The following DOCK7 variants were observed in gnomAD, a reference collection of about 807,000 sequenced individuals.
DOCK7 encodes the protein dedicator of cytokinesis protein 7.
In DOCK7, 138 loss-of-function variants were observed where a neutral mutation model predicts 271.0. The ratio of observed to expected loss-of-function variants is 0.51; its 90% confidence interval spans 0.44 to 0.59. The LOEUF (loss-of-function observed/expected upper bound fraction) is 0.59, where lower values mean the gene tolerates loss of function less well. Ranked by LOEUF, DOCK7 falls within the 20% of genes least tolerant of loss-of-function variation. The pLI, the probability that DOCK7 is intolerant of heterozygous loss-of-function variation, is 0.00. For missense variants in DOCK7, 2,066 were observed against 2,592.4 expected (o/e 0.80, Z 4.41); for synonymous variants, 823 against 876.1 (o/e 0.94, Z 1.07).
intron 43 of DOCK7, 27 bp from the exon 44 acceptor site, chr1:62,477,852 G>C: frequency 6.4e-7 from 1 of 1,557,424 alleles, no homozygotes; most frequent in Non-Finnish European, 8.7e-7. Flanking sequence ...TAGGAAAATG[G>C]AGAAACTTTA....
chr1:62,646,649 C>A (rs1168085), intron 7 of DOCK7, among the ~76,000 whole-genome samples: 2 of 151,934 alleles, frequency 1.3e-5, no homozygotes, highest in Non-Finnish European at 2.9e-5. Context: ...CATGAGAAAC[C>A]AACCCACTGG....
chr1:62,623,555 T>C (rs180809704), intron 12 of DOCK7, among the ~76,000 whole-genome samples: 91 of 152,306 alleles, frequency 6.0e-4, no homozygotes, highest in African/African-American at 2.0e-3. Flanking sequence ...TACCAATTTA[T>C]TGATAAACAG....
At chr1:62,683,421 A>T (rs1017490159) in intron 1 of DOCK7, among the ~76,000 whole-genome samples, 1 of 152,240 alleles carries the variant, frequency 6.6e-6, no homozygotes, top group South Asian at 2.1e-4. Context: ...GAGGTGTTAA[A>T]TAAGTCGATA....
intron 11 of DOCK7, chr1:62,628,916 T>C (rs2149614107): frequency 1.3e-5 from 2 of 152,242 alleles, no homozygotes; most frequent in South Asian, 4.1e-4. Flanking sequence ...CATTAAAAAA[T>C]GAGCAAAGGT....
In DOCK7 at chr1:62,656,910, G is replaced by C. The variant is rs989811606; in HGVS notation, c.145-2751C>G. On this transcript the variant is annotated intron_variant, in intron 2 of 49. Transcript: ENST00000635253. ...TGCACAAAGGCCAAGTGGGGAGCTA[G>C]ATTTCTTCCCTCACAAAGCTGTAAC... Among the ~76,000 whole-genome samples the C allele has an allele frequency of 2.6e-5, 4 of 152,282 alleles. No individual in the cohort carries two copies. In the South Asian group the frequency reaches 8.3e-4, roughly 32 times the overall value.
At chr1:62,487,790 T>C (rs1014726854) in intron 42 of DOCK7, 2 of 179,716 alleles carry the variant, frequency 1.1e-5, no homozygotes, top group African/African-American at 2.4e-5. Flanking sequence ...TGGCTAAAAG[T>C]TTCTCAGAAA....
chr1:62,671,572 A>G (rs965182707), intron 1 of DOCK7, among the ~76,000 whole-genome samples: 1 of 152,188 alleles, frequency 6.6e-6, no homozygotes, highest in African/African-American at 2.4e-5. Flanking sequence ...TACTTTCAAA[A>G]CACCTTTTAG....
chr1:62,641,425 G>GT, intron 7 of DOCK7: 1 of 402,470 alleles, frequency 2.5e-6, no homozygotes, highest in South Asian at 1.8e-5. Context: ...TCTTGAGGTG[G>GT]TCCAAAGCAG....
chr1:62,468,602 C>T (rs1368772863), intron 48 of DOCK7, among the ~76,000 whole-genome samples: 4 of 152,002 alleles, frequency 2.6e-5, no homozygotes, highest in East Asian at 1.9e-4. Context: ...AAATCCAAAT[C>T]GGTAAAGATG....
At chr1:62,494,568 T>G (rs530310977) in intron 39 of DOCK7, 101 bp from the exon 40 acceptor site, 2 of 1,041,778 alleles carry the variant, frequency 1.9e-6, no homozygotes, top group South Asian at 3.7e-5. Context: ...TTTTTGATAC[T>G]GTGCACAACC....
chr1:62,651,303 G>T (rs1377295711), intron 4 of DOCK7, among the ~76,000 whole-genome samples: 8 of 124,772 alleles, frequency 6.4e-5, no homozygotes, highest in African/African-American at 1.8e-4. Context: ...TGTGGGGTGG[G>T]GGGAGGGGGA....
intron 16 of DOCK7, among the ~76,000 whole-genome samples, chr1:62,582,549 CAAAAAAAAAAAAAAAA>C (rs34110232): frequency 5.9e-5 from 1 of 16,862 alleles, no homozygotes; most frequent in Non-Finnish European, 1.3e-4. Flanking sequence ...GACTCCGTCT[CAAAAAAAAAAAAAAAA>C]AAAAAAAAAA....
chr1:62,518,961 A>G (rs1405897677), intron 31 of DOCK7, among the ~76,000 whole-genome samples: 1 of 151,920 alleles, frequency 6.6e-6, no homozygotes, highest in Non-Finnish European at 1.5e-5. Context: ...AGAAGTATCT[A>G]AAACATAATA....
intron 29 of DOCK7, among the ~76,000 whole-genome samples, chr1:62,533,363 T>A (rs1645237702): frequency 6.6e-6 from 1 of 152,144 alleles, no homozygotes; most frequent in South Asian, 2.1e-4. Flanking sequence ...GCTATACCAG[T>A]TATTTTAAAA....
At position 62,481,008 on chromosome 1, in the gene DOCK7, C is replaced by CAAA. The variant is rs35993847; in HGVS notation, c.5509-3186_5509-3184dup. On this transcript the variant is annotated intron_variant, in intron 43 of 49. Coordinates refer to ENST00000635253, the MANE Select transcript of DOCK7 (RefSeq NM_001367561.1). ...TGGGCGACAGAGCGAGACTCCGTCT[C>CAAA]AAAAAAAAAAAAAAAAAAAAATCTG... 5.1e-3 allele frequency among the ~76,000 whole-genome samples: 483 copies of CAAA among 94,500 alleles called. 57 individuals are homozygous for CAAA. Among genetic ancestry groups the CAAA allele is most frequent in the Middle Eastern group, 0.015 (2 of 134 alleles). The allele number at this position is 94,500 out of a possible 152,430, so 62.0% of individuals were successfully genotyped here.
At chr1:62,527,792 G>A (rs1346940797) in intron 31 of DOCK7, among the ~76,000 whole-genome samples, 1 of 151,036 alleles carries the variant, frequency 6.6e-6, no homozygotes, top group East Asian at 1.9e-4. Context: ...ACGAGTTACT[G>A]GGTGCAGCAC....
At chr1:62,609,160 T>G (rs1651425253) in intron 14 of DOCK7, 1 of 152,206 alleles carries the variant, frequency 6.6e-6, no homozygotes. Context: ...AGGGTAAAAT[T>G]ACTTAACTGG....
intron 7 of DOCK7, among the ~76,000 whole-genome samples, chr1:62,639,558 C>G (rs896022865): frequency 2.0e-5 from 3 of 150,996 alleles, no homozygotes; most frequent in South Asian, 4.2e-4. Context: ...CCTCAGCCTC[C>G]CGAGTAGCTG....
At chr1:62,504,582 G>A (rs1348425495) in intron 37 of DOCK7, 48 bp downstream of exon 37, 6 of 1,567,726 alleles carry the variant, frequency 3.8e-6, no homozygotes, top group African/African-American at 1.4e-5. Context: ...ATCAGCAGAA[G>A]TTATATTTCA....
Sources: gnomAD v4.1 joint callset for allele counts (sites outside exome capture counted in the v4.1 genomes callset) on GRCh38, gnomAD v4.1.1 for gene constraint, MANE v1.5 for transcripts, NCBI Gene and HGNC (gene_info 2026-07-23, HGNC 2026-07-21) for gene names.